FMN2: variants seen among roughly 807,000 people sequenced by gnomAD.
The protein encoded by FMN2 is formin-2.
In FMN2, 51 loss-of-function variants were observed where a neutral mutation model predicts 142.3. The observed-to-expected ratio is 0.36, with a 90% CI of 0.29 to 0.45. The LOEUF is 0.45. FMN2 is among the 20% of genes least tolerant of loss of function. FMN2 has a pLI of 1.00. For synonymous variants in FMN2, 882 were observed against 869.8 expected (o/e 1.01, Z -0.25); for missense variants, 1,936 against 2,122.8 (o/e 0.91, Z 1.73).
chr1:240,092,669 A>G lies in FMN2; in HGVS notation c.560A>G (p.His187Arg), dbSNP rs1379508406. The G allele has an allele frequency of 6.2e-7, 1 of 1,614,100 alleles. No homozygotes were observed. The highest frequency in any genetic ancestry group is 8.5e-7 in the Non-Finnish European group (1 of 1,180,002). Residue 187 changes from histidine to arginine, a missense_variant, in exon 1 of 18, where the codon CAT becomes CGT. By Grantham distance (29) the His-to-Arg change is conservative. This residue lies in a region of FMN2 where 751 missense variants were observed against 791.8 expected (regional missense o/e 0.95). Transcript: ENST00000319653. ...SGSDTDIYSF[H>R]SATEQEDLLS... ...TCGGACACGGACATCTATAGCTTCC[A>G]TTCGGCTACGGAGCAAGAGGATTTG...
Position 240,092,122 on chromosome 1 carries a change from G to C in FMN2, c.13G>C (p.Asp5His). The change falls in exon 1 of 18, where the codon GAT becomes CAT. Residue 5 changes from aspartate (D) to histidine (H), a missense_variant. Coordinates refer to ENST00000319653, the MANE Select transcript of FMN2 (RefSeq NM_020066.5). ...GCGGGATTGCACCATGGGGAACCAG[G>C]ATGGGAAGCTGAAGAGGAGCGCAGG... Reference protein sequence around the residue: MGNQDGKLKRSAGDA... With the variant: MGNQHGKLKRSAGDA... The C allele has an allele frequency of 6.4e-7, 1 of 1,553,988 alleles. No homozygotes were observed. Among genetic ancestry groups the C allele is most frequent in the Non-Finnish European group, 8.7e-7 (1 of 1,149,740 alleles).
chr1:240,147,302 G>A (rs914595887), intron 2 of FMN2, among the ~76,000 whole-genome samples: 3 of 152,072 alleles, frequency 2.0e-5, no homozygotes, highest in Non-Finnish European at 4.4e-5. Context: ...TCCAACCCAC[G>A]AAGGCTGACT....
At chr1:240,142,747 C>T in intron 2 of FMN2, 1 of 1,606,962 alleles carries the variant, frequency 6.2e-7, no homozygotes, top group Non-Finnish European at 8.5e-7. Context: ...TCCTCAGTGG[C>T]CAATTCTGCC....
Position 240,221,909 on chromosome 1 carries a change from G to A in FMN2, c.4065+10674G>A, listed in dbSNP as rs140233830. On this transcript the variant is annotated intron_variant, in intron 6 of 17. Coordinates refer to ENST00000319653, the MANE Select transcript of FMN2 (RefSeq NM_020066.5). ...GTCACCCAGGTTGGAGTGCAGTGGC[G>A]CAATCTCAGCTCACTACAAGCTCTG... Among the ~76,000 whole-genome samples, 57 of 147,386 alleles carry A rather than the reference G, an allele frequency of 3.9e-4. 1 individual carries two copies. The East Asian group carries it at 9.9e-3, about 26-fold the overall frequency.
intron 2 of FMN2, among the ~76,000 whole-genome samples, chr1:240,161,246 G>A (rs1664264635): frequency 6.6e-6 from 1 of 152,080 alleles, no homozygotes; most frequent in South Asian, 2.1e-4. Context: ...CTTTATGTTG[G>A]AAGGGCCTAG....
chr1:240,435,016 C>T (rs537130020), intron 15 of FMN2, among the ~76,000 whole-genome samples: 10 of 152,154 alleles, frequency 6.6e-5, no homozygotes, highest in African/African-American at 1.9e-4. Context: ...TAGCTACCAG[C>T]GAAAGTTTCT....
chr1:240,394,706 G>A (rs1007668737), intron 15 of FMN2, among the ~76,000 whole-genome samples: 1 of 152,166 alleles, frequency 6.6e-6, no homozygotes, highest in Non-Finnish European at 1.5e-5. Context: ...GGTGGCTCAA[G>A]CCTGTAATCC....
chr1:240,341,202 T>C (rs1671729696), intron 13 of FMN2, among the ~76,000 whole-genome samples: 1 of 152,202 alleles, frequency 6.6e-6, no homozygotes, highest in Non-Finnish European at 1.5e-5. Context: ...TCATATTCAT[T>C]TTCCCTCTAA....
intron 6 of FMN2, among the ~76,000 whole-genome samples, chr1:240,232,497 G>A (rs1048319465): frequency 1.3e-5 from 2 of 152,064 alleles, no homozygotes; most frequent in African/African-American, 4.8e-5. Context: ...GTCAGCTTCT[G>A]ATGTTTCTAA....
intron 1 of FMN2, among the ~76,000 whole-genome samples, chr1:240,118,461 C>A (rs1017609476): frequency 4.6e-5 from 7 of 152,100 alleles, no homozygotes; most frequent in Non-Finnish European, 2.9e-5. Flanking sequence ...TTGTGGTTAG[C>A]AGTCACTCAG....
chr1:240,200,594 G>C (rs539056163), intron 4 of FMN2, among the ~76,000 whole-genome samples: 1 of 152,128 alleles, frequency 6.6e-6, no homozygotes, highest in South Asian at 2.1e-4. Context: ...TTACAGGCTA[G>C]TCAGTTAAGG....
intron 1 of FMN2, among the ~76,000 whole-genome samples, chr1:240,103,618 T>G (rs560130381): frequency 6.6e-6 from 1 of 152,272 alleles, no homozygotes; most frequent in East Asian, 1.9e-4. Flanking sequence ...CCTAAGTATC[T>G]CTTTAAAATG....
chr1:240,228,834 T>G (rs1322044278), intron 6 of FMN2, among the ~76,000 whole-genome samples: 1 of 152,174 alleles, frequency 6.6e-6, no homozygotes, highest in Non-Finnish European at 1.5e-5. Flanking sequence ...TTTAAGCTGT[T>G]TTTAACTTAA....
chr1:240,143,859 C>T (rs1213070753), intron 2 of FMN2: 8 of 1,585,802 alleles, frequency 5.0e-6, no homozygotes, highest in Non-Finnish European at 6.9e-6. Context: ...GACTTTGAAT[C>T]TCCCATCACA....
chr1:240,143,375 C>T, intron 2 of FMN2: 1 of 1,442,908 alleles, frequency 6.9e-7, no homozygotes. Context: ...GTTCATAGTG[C>T]CGTCTCTGCA....
intron 2 of FMN2, among the ~76,000 whole-genome samples, chr1:240,173,810 G>A (rs143948553): frequency 2.0e-5 from 3 of 152,300 alleles, no homozygotes; most frequent in East Asian, 1.9e-4. Flanking sequence ...CAAAGACAGG[G>A]GGACTGACCA....
intron 15 of FMN2, among the ~76,000 whole-genome samples, chr1:240,421,702 T>C (rs1674768961): frequency 6.6e-6 from 1 of 152,196 alleles, no homozygotes; most frequent in South Asian, 2.1e-4. Flanking sequence ...TCAAGTTTAT[T>C]TCCTTGTTTG....
At chr1:240,283,816 A>G (rs572849812) in intron 7 of FMN2, among the ~76,000 whole-genome samples, 1 of 152,212 alleles carries the variant, frequency 6.6e-6, no homozygotes, top group African/African-American at 2.4e-5. Context: ...TGAAATTGCT[A>G]TTTTGTTAGA....
At chr1:240,159,972 T>C (rs368945242) in intron 2 of FMN2, among the ~76,000 whole-genome samples, 5,583 of 126,416 alleles carry the variant, frequency 0.044, 384 homozygotes, top group African/African-American at 0.16. Context: ...TATATATATA[T>C]ATACACACAC....
Sources: allele counts gnomAD v4.1 joint callset (sites outside exome capture counted in the v4.1 genomes callset), GRCh38; gene constraint gnomAD v4.1.1; regional missense constraint gnomAD v4.1.1; transcripts MANE v1.5; gene names NCBI Gene and HGNC (gene_info 2026-07-23, HGNC 2026-07-21).